TRAM2: variants seen among roughly 807,000 people sequenced by gnomAD.
TRAM2 encodes the protein translocation associated membrane protein 2.
TRAM2 carries 12 observed loss-of-function variants against 51.0 expected under a neutral mutation model. That is an observed-to-expected ratio of 0.24 (90% CI 0.15 to 0.38). The LOEUF (loss-of-function observed/expected upper bound fraction) is 0.38. Among genes scored for constraint, TRAM2 ranks in the 10% least tolerant of loss-of-function variants. The pLI is 1.00. For missense variants in TRAM2, 361 were observed against 462.0 expected, an observed-to-expected ratio of 0.78 and a Z score of 2.00; for synonymous variants, 175 against 179.4, an observed-to-expected ratio of 0.98 and a Z score of 0.20.
chr6:52,502,869 T>G lies in TRAM2; in HGVS notation c.*328A>C. ...AAGTAAAAAGGAAAAGCAGCAGCCATAAGGCAAGAGACAGAGCAAGCAGAA... is the reference window on the plus strand; with the variant it reads ...AAGTAAAAAGGAAAAGCAGCAGCCAGAAGGCAAGAGACAGAGCAAGCAGAA... On this transcript the variant is annotated 3_prime_UTR_variant, in exon 11 of 11. Coordinates refer to ENST00000182527, the MANE Select transcript of TRAM2 (RefSeq NM_012288.4). 1 of 308,086 alleles carries G rather than the reference T, an allele frequency of 3.2e-6. No homozygotes were observed. Among genetic ancestry groups the G allele is most frequent in the South Asian group, 8.4e-5 (1 of 11,900 alleles). The allele number at this position is 308,086 out of a possible 1,614,324, so 19.1% of individuals were successfully genotyped here. A position where few individuals can be genotyped will look rare whatever the true frequency, so the allele number is the denominator to read the frequency against.
intron 4 of TRAM2, among the ~76,000 whole-genome samples, chr6:52,511,077 TAGGA>T (rs1281984689): frequency 6.6e-6 from 1 of 152,072 alleles, no homozygotes; most frequent in Non-Finnish European, 1.5e-5. Context: ...AAAAAACAGA[TAGGA>T]AGGATCTCCT....
rs970924370 is a variant in TRAM2, at chr6:52,503,227, G to A, written c.1083C>T (p.Ser361=). Residue 361 remains serine (S), a synonymous_variant, in exon 11 of 11, where the codon TCC becomes TCT. Transcript: ENST00000182527. ...NGVVKAENGT[S]PRTKKLKSP Reference sequence around the variant, plus strand: ...GAGACTTGAGTTTCTTAGTCCGTGGGGAGGTTCCGTTCTCTGCCTTCACCA... The same window carrying A: ...GAGACTTGAGTTTCTTAGTCCGTGGAGAGGTTCCGTTCTCTGCCTTCACCA... 1 of 1,613,814 alleles carries A rather than the reference G, an allele frequency of 6.2e-7. No homozygotes were observed. Among genetic ancestry groups the A allele is most frequent in the African/African-American group, 1.3e-5 (1 of 74,838 alleles).
intron 9 of TRAM2, among the ~76,000 whole-genome samples, chr6:52,505,328 T>G (rs1766327294): frequency 6.6e-6 from 1 of 152,188 alleles, no homozygotes; most frequent in Admixed American, 6.5e-5. Flanking sequence ...AGACTGGGTG[T>G]GATGCCTCTG....
intron 2 of TRAM2, among the ~76,000 whole-genome samples, chr6:52,526,368 G>A (rs1766782243): frequency 6.6e-6 from 1 of 152,190 alleles, no homozygotes; most frequent in South Asian, 2.1e-4. Context: ...ATGAAGGGCT[G>A]AAGAGAAGTT....
At chr6:52,562,166 A>AT (rs1767513126) in intron 1 of TRAM2, among the ~76,000 whole-genome samples, 1 of 152,226 alleles carries the variant, frequency 6.6e-6, no homozygotes, top group African/African-American at 2.4e-5. Flanking sequence ...ATCCGACAGA[A>AT]TGTCAAGTGC....
intron 1 of TRAM2, among the ~76,000 whole-genome samples, chr6:52,542,578 C>A (rs1040275313): frequency 2.6e-5 from 4 of 152,244 alleles, no homozygotes; most frequent in Admixed American, 1.3e-4. Context: ...TGGTTTTTCA[C>A]CTGAAAAACT....
chr6:52,541,209 C>A (rs1199777547), intron 1 of TRAM2, among the ~76,000 whole-genome samples: 1 of 152,182 alleles, frequency 6.6e-6, no homozygotes, highest in African/African-American at 2.4e-5. Context: ...CTCTCTAGAC[C>A]CCAGTTTACT....
chr6:52,505,977 G>A (rs45523335), intron 8 of TRAM2, 55 bp downstream of exon 8: 201,364 of 1,587,078 alleles, frequency 0.13, 14,206 homozygotes, highest in Non-Finnish European at 0.14. Flanking sequence ...TCCGGGCCTC[G>A]GGGGAACCCC....
intron 2 of TRAM2, among the ~76,000 whole-genome samples, chr6:52,525,349 G>T (rs953034984): frequency 1.6e-4 from 24 of 152,224 alleles, no homozygotes; most frequent in African/African-American, 5.8e-4. Context: ...TCCAAGGGCA[G>T]CATTGTCCCC....
At chr6:52,570,802 C>CCT (rs1554267166) in intron 1 of TRAM2, among the ~76,000 whole-genome samples, 1 of 120,930 alleles carries the variant, frequency 8.3e-6, no homozygotes, top group Non-Finnish European at 1.8e-5. Context: ...ACCACCCCCC[C>CCT]CCCCACACGC....
intron 1 of TRAM2, among the ~76,000 whole-genome samples, chr6:52,570,635 A>G (rs1264370325): frequency 6.6e-6 from 1 of 152,064 alleles, no homozygotes; most frequent in African/African-American, 2.4e-5. Flanking sequence ...GAAGCATTTC[A>G]CAGATGTAAA....
chr6:52,556,303 C>T (rs930073948), intron 1 of TRAM2, among the ~76,000 whole-genome samples: 4 of 146,848 alleles, frequency 2.7e-5, no homozygotes, highest in African/African-American at 1.0e-4. Context: ...TTTTTTGAGA[C>T]AAAGTCTTGC....
chr6:52,532,233 A>G (rs1460369937), intron 2 of TRAM2, among the ~76,000 whole-genome samples: 1 of 152,242 alleles, frequency 6.6e-6, no homozygotes, highest in East Asian at 1.9e-4. Context: ...TTATAATAAA[A>G]GGATGCCCAA....
intron 2 of TRAM2, chr6:52,517,368 T>C (rs1032814992): frequency 2.0e-5 from 3 of 152,442 alleles, no homozygotes; most frequent in Non-Finnish European, 2.9e-5. Flanking sequence ...GTCTGGCACA[T>C]AGTTAAGTGC....
intron 1 of TRAM2, among the ~76,000 whole-genome samples, chr6:52,540,769 T>C (rs1767063406): frequency 6.6e-6 from 1 of 152,202 alleles, no homozygotes. Flanking sequence ...AGGCTGTTTA[T>C]AGGAAACATT....
chr6:52,539,352 T>C (rs1457497077), intron 1 of TRAM2, among the ~76,000 whole-genome samples: 2 of 152,308 alleles, frequency 1.3e-5, no homozygotes, highest in Non-Finnish European at 2.9e-5. Flanking sequence ...GCTCTGCACA[T>C]CTCTGTGAAT....
At chr6:52,516,989 G>C (rs1766563807) in intron 2 of TRAM2, 4 of 478,608 alleles carry the variant, frequency 8.4e-6, no homozygotes, top group African/African-American at 3.9e-5. Context: ...TCCTGAGTCT[G>C]TGCAGCAGAG....
intron 1 of TRAM2, among the ~76,000 whole-genome samples, chr6:52,542,503 G>C (rs1331420064): frequency 6.6e-6 from 1 of 152,170 alleles, no homozygotes; most frequent in Non-Finnish European, 1.5e-5. Context: ...CTGAGCGCCT[G>C]AATCACAGGG....
chr6:52,500,006 C>G lies in TRAM2; in HGVS notation c.*3191G>C, dbSNP rs1420710094. On this transcript the variant is annotated 3_prime_UTR_variant, in exon 11 of 11. Transcript: ENST00000182527. ...AATAACTCCCATCATCACTGCACCT[C>G]CAAGGAGGGGAGCGGGTAGCACAGA... 1.3e-5 allele frequency: 2 copies of G among 152,206 alleles called. No individual in the cohort carries two copies. The highest frequency in any genetic ancestry group is 3.9e-4 in the East Asian group (2 of 5,192). 9.4% of individuals were successfully genotyped at this position (152,206 alleles called of 1,614,324 possible).
Sources: allele counts gnomAD v4.1 joint callset (sites outside exome capture counted in the v4.1 genomes callset), GRCh38; gene constraint gnomAD v4.1.1; transcripts MANE v1.5; gene names NCBI Gene and HGNC (gene_info 2026-07-23, HGNC 2026-07-21).